Variants in ZFHX3 observed in about 807,000 individuals in gnomAD.
The protein encoded by ZFHX3 is zinc finger homeobox protein 3.
ZFHX3 carries 42 observed loss-of-function variants against 279.1 expected under a neutral mutation model. That is an observed-to-expected ratio of 0.15 (90% confidence interval 0.12 to 0.19). The LOEUF (loss-of-function observed/expected upper bound fraction) is 0.19. ZFHX3 is among the 10% of genes least tolerant of loss of function. ZFHX3 has a pLI of 1.00. For synonymous variants in ZFHX3, 2,293 were observed against 1,957.8 expected, an observed-to-expected ratio of 1.17 and a Z score of -4.52; for missense variants, 4,981 against 4,754.0, an observed-to-expected ratio of 1.05 and a Z score of -1.40.
intron 4 of ZFHX3, among the ~76,000 whole-genome samples, chr16:73,292,770 A>AG (rs2014806558): frequency 6.6e-6 from 1 of 152,016 alleles, no homozygotes; most frequent in Non-Finnish European, 1.5e-5. Context: ...GGCCATGGTG[A>AG]GGGGTGGCCT....
intron 1 of ZFHX3, among the ~76,000 whole-genome samples, chr16:73,765,524 C>CAAT (rs2053923283): frequency 6.6e-6 from 1 of 152,200 alleles, no homozygotes; most frequent in Admixed American, 6.5e-5. Context: ...CTGTTCATGG[C>CAAT]TCTTGGGCCC....
chr16:73,782,978 T>C (rs1321909269), intron 1 of ZFHX3, among the ~76,000 whole-genome samples: 2 of 152,194 alleles, frequency 1.3e-5, no homozygotes, highest in Non-Finnish European at 2.9e-5. Flanking sequence ...CATAATTCTA[T>C]GGGATTCTCT....
At chr16:73,728,710 G>A (rs533301412) in intron 1 of ZFHX3, among the ~76,000 whole-genome samples, 163 of 151,928 alleles carry the variant, frequency 1.1e-3, no homozygotes, top group African/African-American at 3.4e-3. Flanking sequence ...AGAATTTTCC[G>A]TCTGTATCTA....
chr16:73,243,476 G>C (rs952377064), intron 5 of ZFHX3, among the ~76,000 whole-genome samples: 2 of 152,148 alleles, frequency 1.3e-5, no homozygotes, highest in Admixed American at 1.3e-4. Flanking sequence ...TATCCTCCTT[G>C]TGAAAGATCT....
At chr16:73,703,109 A>G (rs892923766) in intron 1 of ZFHX3, among the ~76,000 whole-genome samples, 1 of 152,202 alleles carries the variant, frequency 6.6e-6, no homozygotes, top group Non-Finnish European at 1.5e-5. Context: ...GCAATCCCCT[A>G]TGCAGCTCAA....
In ZFHX3 at chr16:73,416,715, A is replaced by G. The variant is rs551831563; in HGVS notation, c.-1291+39288T>C. Among the ~76,000 whole-genome samples the G allele has an allele frequency of 3.7e-4, 56 of 151,768 alleles. No homozygotes were observed. In the South Asian group the frequency reaches 7.5e-3, roughly 20 times the overall value. ...GGTGAAACCCCCGTCTCTACTAAAA[A>G]TACAAAAAATTAGCCGGGTGCGGTG... On this transcript the variant is annotated intron_variant, in intron 3 of 17. Coordinates refer to the ZFHX3 transcript ENST00000641206.
At chr16:73,666,023 A>C (rs2052838517) in intron 2 of ZFHX3, among the ~76,000 whole-genome samples, 1 of 151,344 alleles carries the variant, frequency 6.6e-6, no homozygotes, top group Non-Finnish European at 1.5e-5. Context: ...TCACCGTGTT[A>C]GCCAGTATGG....
intron 5 of ZFHX3, among the ~76,000 whole-genome samples, chr16:73,203,864 G>A (rs2011693856): frequency 6.6e-6 from 1 of 152,176 alleles, no homozygotes; most frequent in Non-Finnish European, 1.5e-5. Flanking sequence ...TACCTCAGGG[G>A]AGAGAGTTGG....
intron 1 of ZFHX3, among the ~76,000 whole-genome samples, chr16:73,781,074 C>T (rs1423282534): frequency 6.6e-6 from 1 of 152,140 alleles, no homozygotes; most frequent in African/African-American, 2.4e-5. Context: ...GGACCATTTG[C>T]TTGGGAAGAT....
chr16:73,207,860 T>G (rs1157802844), intron 5 of ZFHX3, among the ~76,000 whole-genome samples: 1 of 152,074 alleles, frequency 6.6e-6, no homozygotes, highest in East Asian at 1.9e-4. Context: ...ATGGCAGGTG[T>G]AAATTGCGCC....
chr16:73,721,811 G>A (rs770497048), intron 1 of ZFHX3, among the ~76,000 whole-genome samples: 1 of 152,220 alleles, frequency 6.6e-6, no homozygotes, highest in Non-Finnish European at 1.5e-5. Context: ...TTGGGAGGCT[G>A]AGACAGGCAG....
chr16:72,856,074 T>G (rs1038536096), intron 4 of ZFHX3, among the ~76,000 whole-genome samples: 1 of 152,236 alleles, frequency 6.6e-6, no homozygotes, highest in Admixed American at 6.5e-5. Context: ...AAAAGTTAGT[T>G]TGGCTCCCTG....
chr16:72,999,934 T>C (rs6416747), intron 1 of ZFHX3, among the ~76,000 whole-genome samples: 119,275 of 152,164 alleles, frequency 0.78, 47,446 homozygotes, highest in Middle Eastern at 0.87. Context: ...CCGGGGAAAA[T>C]GGAAACATAC....
At chr16:73,040,580 CTG>C (rs141567493) in intron 1 of ZFHX3, among the ~76,000 whole-genome samples, 2 of 152,238 alleles carry the variant, frequency 1.3e-5, no homozygotes, top group East Asian at 3.9e-4. Context: ...ATGGGGGACA[CTG>C]TAACTATTTC....
chr16:73,186,999 T>G (rs1321778744), intron 5 of ZFHX3, among the ~76,000 whole-genome samples: 1 of 152,252 alleles, frequency 6.6e-6, no homozygotes, highest in Non-Finnish European at 1.5e-5. Flanking sequence ...CTCACAGCTT[T>G]CAGGCCAGAA....
At chr16:72,906,671 G>A (rs10163349) in intron 3 of ZFHX3, among the ~76,000 whole-genome samples, 97,408 of 151,924 alleles carry the variant, frequency 0.64, 32,275 homozygotes, top group African/African-American at 0.8. Context: ...GGTGGCACGC[G>A]CCCGCAGTCC....
chr16:72,834,964 G>A (rs1215484134), intron 4 of ZFHX3, among the ~76,000 whole-genome samples: 1 of 152,150 alleles, frequency 6.6e-6, no homozygotes, highest in African/African-American at 2.4e-5. Flanking sequence ...GGATAATGCA[G>A]ATTAATTCAA....
chr16:72,893,277 C>T (rs2038817135), intron 3 of ZFHX3, among the ~76,000 whole-genome samples: 1 of 152,208 alleles, frequency 6.6e-6, no homozygotes, highest in African/African-American at 2.4e-5. Context: ...TAAAGCCTTA[C>T]CTCCAATCCC....
chr16:73,201,638 T>C (rs116137985), intron 5 of ZFHX3, among the ~76,000 whole-genome samples: 2,158 of 152,314 alleles, frequency 0.014, 61 homozygotes, highest in African/African-American at 0.05. Flanking sequence ...ATCTTAGACT[T>C]GGCTGTGCAA....
Sources: allele counts gnomAD v4.1 joint callset (sites outside exome capture counted in the v4.1 genomes callset), GRCh38; gene constraint gnomAD v4.1.1; transcripts MANE v1.5; gene names NCBI Gene and HGNC (gene_info 2026-07-23, HGNC 2026-07-21).